The following PFKP variants were observed in gnomAD, a reference collection of about 807,000 sequenced individuals.
PFKP encodes the protein phosphofructokinase, platelet.
A neutral mutation model predicts 94.3 loss-of-function variants in PFKP; 101 were observed. The ratio of observed to expected loss-of-function variants is 1.07; its 90% CI spans 0.91 to 1.26. The LOEUF is 1.26. Ranked by LOEUF, PFKP falls within the 50% of genes most tolerant of loss-of-function variation. The pLI is 0.00. For synonymous variants in PFKP, 573 were observed against 432.6 expected (o/e 1.32, Z -4.03); for missense variants, 1,145 against 1,103.3 (o/e 1.04, Z -0.53).
rs1363781739 is a variant in PFKP at position 3,132,422 on chromosome 10, CAG to C, written c.1896_1897del (p.Gly633ProfsTer6). 3.7e-6 allele frequency: 6 copies of C among 1,611,144 alleles called. No homozygotes were observed. Among genetic ancestry groups the C allele is most frequent in the African/African-American group, 1.3e-5 (1 of 74,850 alleles). ...GACGGAGAAAATGAAGACCACCATC[CAG>C]AGAGGCCTTGTGCTCAGGTGAGAGA... is the stretch of plus-strand genomic sequence containing the variant. ...HLTEKMKTTI[Q>X]RGLVLRNESC... On this transcript the variant is annotated frameshift_variant, in exon 18 of 22. Coordinates refer to ENST00000381125, the MANE Select transcript of PFKP (RefSeq NM_002627.5). LOFTEE classifies it high-confidence loss of function.
chr10:3,078,893 T>A (rs1832803444), intron 1 of PFKP, among the ~76,000 whole-genome samples: 1 of 152,144 alleles, frequency 6.6e-6, no homozygotes, highest in African/African-American at 2.4e-5. Context: ...AATGCATGGC[T>A]CCATCCTACC....
At chr10:3,102,444 T>C (rs10903965) in intron 4 of PFKP, among the ~76,000 whole-genome samples, 151,520 of 151,860 alleles carry the variant, frequency 1, 75,594 homozygotes, top group Middle Eastern at 1. Context: ...GACAGAGTCT[T>C]TCTCCATTGC....
At chr10:3,125,349 C>A in intron 16 of PFKP, 1 of 911,794 alleles carries the variant, frequency 1.1e-6, no homozygotes, top group Non-Finnish European at 1.4e-6. Flanking sequence ...TTCTTCTTTT[C>A]TCCCCTTTGT....
chr10:3,103,738 A>T, intron 4 of PFKP, 41 bp from the exon 5 acceptor site: 4 of 1,608,900 alleles, frequency 2.5e-6, no homozygotes, highest in Non-Finnish European at 3.4e-6. Flanking sequence ...CGAACGCGCC[A>T]TGGTTACGGC....
intron 2 of PFKP, among the ~76,000 whole-genome samples, chr10:3,087,853 C>T (rs1833720621): frequency 6.6e-6 from 1 of 152,160 alleles, no homozygotes; most frequent in Non-Finnish European, 1.5e-5. Flanking sequence ...CATAAATTCT[C>T]ATGGACCCTC....
intron 2 of PFKP, among the ~76,000 whole-genome samples, chr10:3,090,836 ATTTT>A (rs1392454103): frequency 6.6e-6 from 1 of 151,784 alleles, no homozygotes; most frequent in African/African-American, 2.4e-5. Context: ...ATTATGTTTT[ATTTT>A]TTTAAGGATG....
rs1835726262 is a variant in PFKP, at chr10:3,107,250, G to C, written c.811G>C (p.Val271Leu). 1 of 1,612,274 alleles carries C rather than the reference G, an allele frequency of 6.2e-7. No individual in the cohort carries two copies. The highest frequency in any genetic ancestry group is 8.5e-7 in the Non-Finnish European group (1 of 1,179,030). ...ARKKRLNIII[V>L]AEGAIDTQNK... The stretch of plus-strand genomic sequence containing the variant: ...GAAAAAAAGGCTGAATATTATTATT[G>C]TGGCTGAAGGAGCAATTGATACCCA... Residue 271 changes from valine (V) to leucine (L), a missense_variant, in exon 8 of 22, where the codon GTG (valine) becomes CTG (leucine). By Grantham distance (32) the Val-to-Leu change is conservative (BLOSUM62 1). Transcript: ENST00000381125.
Position 3,075,432 on chromosome 10 carries a change from G to A in PFKP, c.113-6956G>A, listed in dbSNP as rs1055049714. Among the ~76,000 whole-genome samples the A allele has an allele frequency of 5.1e-4, 77 of 151,694 alleles. 8 individuals are homozygous for A. The highest frequency in any genetic ancestry group is 7.4e-5 in the Non-Finnish European group (5 of 67,982). ...GCAGTATTGAAGAGCCGATTCCAGA[G>A]CGGCTTCCCTCTGGAGCCAGTGGGG... On this transcript the variant is annotated intron_variant, in intron 1 of 21. Coordinates refer to ENST00000381125, the MANE Select transcript of PFKP (RefSeq NM_002627.5).
At chr10:3,082,206 G>A (rs1025487478) in intron 1 of PFKP, among the ~76,000 whole-genome samples, 182 bp from the exon 2 acceptor site, 6 of 151,954 alleles carry the variant, frequency 3.9e-5, no homozygotes, top group Admixed American at 6.6e-5. Context: ...GGTACCTTGC[G>A]TTACGTTGGC....
At chr10:3,110,622 G>A (rs1378073889) in intron 10 of PFKP, among the ~76,000 whole-genome samples, 1 of 152,104 alleles carries the variant, frequency 6.6e-6, no homozygotes, top group Non-Finnish European at 1.5e-5. Context: ...CTTGTTGAAA[G>A]TCACCTTGTA....
intron 17 of PFKP, among the ~76,000 whole-genome samples, chr10:3,130,792 C>T (rs980710890): frequency 2.6e-5 from 4 of 152,088 alleles, no homozygotes; most frequent in East Asian, 3.9e-4. Context: ...CTTCTGACCT[C>T]GTGATCTGCC....
At chr10:3,125,176 CCACGATTAG>C (rs1193929900) in intron 16 of PFKP, 2 of 1,348,948 alleles carry the variant, frequency 1.5e-6, no homozygotes. Flanking sequence ...GTGGTGCCGG[CCACGATTAG>C]CAACAATGTC....
At chr10:3,100,056 G>GTGGTGTGTGT (rs376262163) in intron 3 of PFKP, among the ~76,000 whole-genome samples, 1 of 137,804 alleles carries the variant, frequency 7.3e-6, no homozygotes, top group African/African-American at 3.1e-5. Context: ...GTAGGTGTGT[G>GTGGTGTGTGT]GTGTGTGTGT....
intron 2 of PFKP, among the ~76,000 whole-genome samples, chr10:3,091,464 ATTC>A (rs1028823536): frequency 2.6e-5 from 4 of 152,146 alleles, no homozygotes; most frequent in African/African-American, 9.7e-5. Flanking sequence ...GTTGTTGAAT[ATTC>A]TTCTGCAGAT....
intron 9 of PFKP, 65 bp from the exon 10 acceptor site, chr10:3,109,290 T>G (rs772417156): frequency 1.9e-6 from 3 of 1,595,632 alleles, no homozygotes; most frequent in Non-Finnish European, 2.6e-6. Flanking sequence ...CATGGAAAGA[T>G]AGGAGGTGAC....
In PFKP at chr10:3,129,920, G is replaced by T. The variant is rs577901748; in HGVS notation, c.1785G>T (p.Gly595=). The change falls in exon 17 of 22, where the codon GGG becomes GGT. Residue 595 remains glycine (G), a synonymous_variant. Coordinates refer to ENST00000381125, the MANE Select transcript of PFKP (RefSeq NM_002627.5). ...GYCGYLANMG[G]LAAGADAAYI... is the part of the protein sequence containing the mutation. ...GTGGCTACCTGGCCAACATGGGGGG[G>T]CTCGCGGCCGGAGCTGATGCCGCAT... 2.5e-6 allele frequency: 4 copies of T among 1,611,632 alleles called. No individual in the cohort carries two copies. Among genetic ancestry groups the T allele is most frequent in the Non-Finnish European group, 2.5e-6 (3 of 1,178,996 alleles).
Position 3,109,367 on chromosome 10 carries a change from G to GGA in PFKP, c.978_979dup (p.Val327GlufsTer9). 1.9e-6 allele frequency: 3 copies of GGA among 1,610,314 alleles called. No homozygotes were observed. Among genetic ancestry groups the GGA allele is most frequent in the Non-Finnish European group, 2.5e-6 (3 of 1,180,010 alleles). ...ACCTGGTTTCCAGGCCAGCCGCATG[G>GGA]GAGTGGAGGCAGTCATCGCCTTGCT... On this transcript the variant is annotated frameshift_variant, in exon 10 of 22. Coordinates refer to ENST00000381125, the MANE Select transcript of PFKP (RefSeq NM_002627.5). LOFTEE classifies it high-confidence loss of function.
intron 16 of PFKP, among the ~76,000 whole-genome samples, chr10:3,121,558 A>G (rs1482365359): frequency 1.4e-5 from 2 of 144,910 alleles, no homozygotes; most frequent in African/African-American, 2.5e-5. Context: ...TTTTAATTCC[A>G]GGGTCCTCTG....
At chr10:3,104,878 G>A (rs2131559054) in intron 5 of PFKP, 2 of 598,146 alleles carry the variant, frequency 3.3e-6, no homozygotes, top group Non-Finnish European at 5.9e-6. Flanking sequence ...CAACTGGAGA[G>A]CGCAGAGGTG....
Sources: allele counts gnomAD v4.1 joint callset (sites outside exome capture counted in the v4.1 genomes callset), GRCh38; gene constraint gnomAD v4.1.1; transcripts MANE v1.5; gene names NCBI Gene and HGNC (gene_info 2026-07-23, HGNC 2026-07-21).